Variants in SMYD3 observed in about 807,000 individuals in gnomAD.
SMYD3 encodes histone-lysine N-methyltransferase SMYD3.
Under a neutral mutation model 57.7 loss-of-function variants are expected in SMYD3, and 36 were observed. The ratio of observed to expected loss-of-function variants is 0.62; its 90% CI spans 0.48 to 0.82. SMYD3 has a LOEUF of 0.82. Among genes scored for constraint, SMYD3 ranks in the 40% least tolerant of loss-of-function variants. The pLI is 0.00. For missense variants in SMYD3, 515 were observed against 538.8 expected (o/e 0.96, Z 0.44); for synonymous variants, 211 against 195.0 (o/e 1.08, Z -0.68).
intron 10 of SMYD3, among the ~76,000 whole-genome samples, chr1:245,804,083 T>C (rs2048015929): frequency 6.6e-6 from 1 of 151,900 alleles, no homozygotes; most frequent in African/African-American, 2.4e-5. Context: ...CGGGTAATTT[T>C]TGTATTTTTA....
At chr1:246,084,708 A>G (rs557949477) in intron 5 of SMYD3, among the ~76,000 whole-genome samples, 4 of 152,158 alleles carry the variant, frequency 2.6e-5, no homozygotes, top group Non-Finnish European at 5.9e-5. Context: ...GATATCTTAA[A>G]GTTTTGGTAT....
At chr1:246,033,942 T>A (rs1489529685) in intron 5 of SMYD3, among the ~76,000 whole-genome samples, 1 of 152,210 alleles carries the variant, frequency 6.6e-6, no homozygotes, top group Non-Finnish European at 1.5e-5. Context: ...TACAACTGTA[T>A]ATGAATCTAT....
intron 5 of SMYD3, among the ~76,000 whole-genome samples, chr1:246,292,517 T>C (rs1201688): frequency 6.6e-6 from 1 of 152,238 alleles, no homozygotes; most frequent in Non-Finnish European, 1.5e-5. Context: ...TACACCAGTA[T>C]CTTAGACTTA....
intron 5 of SMYD3, among the ~76,000 whole-genome samples, chr1:246,137,868 G>T (rs1405277953): frequency 6.6e-6 from 1 of 151,960 alleles, no homozygotes; most frequent in African/African-American, 2.4e-5. Flanking sequence ...CTGAGTTTTG[G>T]AATGGCTCTT....
intron 10 of SMYD3, among the ~76,000 whole-genome samples, chr1:245,791,614 G>A (rs1204394823): frequency 7.2e-6 from 1 of 138,872 alleles, no homozygotes; most frequent in Non-Finnish European, 1.6e-5. Context: ...ACGGGAGAAA[G>A]AGAGAGGGGG....
At chr1:245,793,351 G>A (rs901611463) in intron 10 of SMYD3, among the ~76,000 whole-genome samples, 10 of 151,846 alleles carry the variant, frequency 6.6e-5, no homozygotes, top group Non-Finnish European at 1.2e-4. Context: ...AGTTTCACTT[G>A]CATACTTGCA....
At chr1:245,872,808 A>G (rs934493461) in intron 8 of SMYD3, among the ~76,000 whole-genome samples, 5 of 152,212 alleles carry the variant, frequency 3.3e-5, no homozygotes, top group African/African-American at 1.2e-4. Context: ...CTCCAGCTAC[A>G]CAGAATTGCC....
intron 5 of SMYD3, among the ~76,000 whole-genome samples, chr1:246,047,844 GAA>G (rs33946218): frequency 0.017 from 2,528 of 146,378 alleles, 40 homozygotes; most frequent in South Asian, 0.039. Context: ...GTAGCAGAAG[GAA>G]AAAAAAAAAA....
At chr1:246,127,828 G>A (rs199893287) in intron 5 of SMYD3, among the ~76,000 whole-genome samples, 1 of 151,920 alleles carries the variant, frequency 6.6e-6, no homozygotes, top group African/African-American at 2.4e-5. Context: ...CCTGGGAGGC[G>A]GAGGTTGCAG....
At chr1:246,441,673 G>A (rs1266593542) in intron 1 of SMYD3, among the ~76,000 whole-genome samples, 1 of 152,092 alleles carries the variant, frequency 6.6e-6, no homozygotes, top group African/African-American at 2.4e-5. Flanking sequence ...GTGCAGTGGC[G>A]CCATCTCAGC....
intron 1 of SMYD3, among the ~76,000 whole-genome samples, chr1:246,401,942 G>A (rs569751673): frequency 2.6e-5 from 4 of 152,160 alleles, no homozygotes; most frequent in Admixed American, 6.5e-5. Flanking sequence ...GGCTGGTCTC[G>A]AACTCCCGAC....
At chr1:246,108,175 G>T (rs1372314892) in intron 5 of SMYD3, among the ~76,000 whole-genome samples, 4 of 152,146 alleles carry the variant, frequency 2.6e-5, no homozygotes, top group Admixed American at 6.5e-5. Flanking sequence ...ATGCATCCAC[G>T]TCTAAACATC....
At chr1:246,158,953 G>A (rs967324415) in intron 5 of SMYD3, among the ~76,000 whole-genome samples, 4 of 152,110 alleles carry the variant, frequency 2.6e-5, no homozygotes, top group African/African-American at 9.7e-5. Context: ...ATGCAGTACC[G>A]AGAAGTAAAT....
intron 8 of SMYD3, among the ~76,000 whole-genome samples, chr1:245,871,721 T>G (rs544625665): frequency 6.6e-6 from 1 of 152,244 alleles, no homozygotes; most frequent in Non-Finnish European, 1.5e-5. Flanking sequence ...GAGGCCCAAT[T>G]TCTTCAGTGG....
chr1:246,380,963 TC>T (rs1208123080), intron 1 of SMYD3, among the ~76,000 whole-genome samples: 1 of 152,102 alleles, frequency 6.6e-6, no homozygotes, highest in Non-Finnish European at 1.5e-5. Context: ...GATGCTCAAT[TC>T]GCTAAGAATG....
intron 1 of SMYD3, among the ~76,000 whole-genome samples, chr1:246,494,870 G>A (rs368147471): frequency 5.7e-4 from 87 of 152,262 alleles, no homozygotes; most frequent in African/African-American, 2.1e-3. Context: ...TCAATGTCCA[G>A]TTTAAAACTG....
At chr1:246,130,172 T>A (rs2061566554) in intron 5 of SMYD3, among the ~76,000 whole-genome samples, 1 of 152,186 alleles carries the variant, frequency 6.6e-6, no homozygotes, top group Non-Finnish European at 1.5e-5. Context: ...CATCCCATCA[T>A]AAATGGAGGG....
chr1:246,402,473 G>A (rs997615903), intron 1 of SMYD3, among the ~76,000 whole-genome samples: 7 of 151,712 alleles, frequency 4.6e-5, no homozygotes, highest in Non-Finnish European at 7.4e-5. Flanking sequence ...GGTTAGAGAG[G>A]TTAATCGAGA....
intron 5 of SMYD3, among the ~76,000 whole-genome samples, chr1:245,981,122 G>C (rs1264061312): frequency 1.3e-5 from 2 of 152,200 alleles, no homozygotes; most frequent in African/African-American, 4.8e-5. Flanking sequence ...ATCTGGGTCA[G>C]ACCTATCTAG....
Sources: allele counts gnomAD v4.1 joint callset (sites outside exome capture counted in the v4.1 genomes callset), GRCh38; gene constraint gnomAD v4.1.1; transcripts MANE v1.5; gene names NCBI Gene and HGNC (gene_info 2026-07-23, HGNC 2026-07-21).